Variants in NRG3 observed in about 807,000 individuals in gnomAD.
NRG3 encodes pro-neuregulin-3, membrane-bound isoform.
NRG3 carries 31 observed loss-of-function variants against 66.9 expected under a neutral mutation model. The ratio of observed to expected loss-of-function variants is 0.46; its 90% confidence interval spans 0.35 to 0.63. The LOEUF is 0.63. NRG3 is among the 20% of genes least tolerant of loss of function. The probability of loss-of-function intolerance (pLI) is 0.00; values close to 1 mark genes in which losing one functional copy is unlikely to be tolerated. For missense variants in NRG3, 910 were observed against 878.9 expected, an observed-to-expected ratio of 1.04 and a Z score of -0.45; for synonymous variants, 393 against 359.4, an observed-to-expected ratio of 1.09 and a Z score of -1.06.
chr10:82,454,604 AT>A (rs1334838394), intron 2 of NRG3, among the ~76,000 whole-genome samples: 1 of 152,234 alleles, frequency 6.6e-6, no homozygotes, highest in Non-Finnish European at 1.5e-5. Flanking sequence ...AACCATTCAG[AT>A]AAAAAAAGTT....
chr10:82,054,951 T>A (rs753764096), intron 1 of NRG3, among the ~76,000 whole-genome samples: 1 of 151,646 alleles, frequency 6.6e-6, no homozygotes, highest in Non-Finnish European at 1.5e-5. Flanking sequence ...AGTTCAAGGT[T>A]ACAGTGAGCT....
chr10:82,976,244 C>T lies in NRG3; in HGVS notation c.1412+2329C>T, dbSNP rs561960299. ...CTAATTTTTATATTTTTAGTAGAGA[C>T]GGGGTTTCACCATGTTGGCCAGGCT... On this transcript the variant is annotated intron_variant, in intron 7 of 8. Transcript: ENST00000372141. 1.6e-4 allele frequency among the ~76,000 whole-genome samples: 25 copies of T among 152,010 alleles called. No individual in the cohort carries two copies. In the East Asian group the frequency reaches 2.7e-3, roughly 17 times the overall value.
chr10:82,819,798 C>A (rs2061867082), intron 3 of NRG3, among the ~76,000 whole-genome samples: 1 of 152,086 alleles, frequency 6.6e-6, no homozygotes, highest in Non-Finnish European at 1.5e-5. Context: ...GCTTTGGCAT[C>A]CAGTACAATG....
At chr10:82,639,348 G>T (rs2050412529) in intron 2 of NRG3, among the ~76,000 whole-genome samples, 1 of 152,190 alleles carries the variant, frequency 6.6e-6, no homozygotes, top group Non-Finnish European at 1.5e-5. Context: ...TGAAAGCAGA[G>T]CTTTCATGAC....
intron 2 of NRG3, among the ~76,000 whole-genome samples, chr10:82,554,022 T>C (rs930795334): frequency 6.6e-6 from 1 of 152,206 alleles, no homozygotes; most frequent in Non-Finnish European, 1.5e-5. Context: ...TCATCTGTTA[T>C]ATGTTAGTAC....
intron 2 of NRG3, among the ~76,000 whole-genome samples, chr10:82,416,301 T>A (rs973093174): frequency 6.6e-6 from 1 of 152,148 alleles, no homozygotes; most frequent in Non-Finnish European, 1.5e-5. Context: ...CCTGTTTGTA[T>A]CAGGTGACTT....
Position 82,973,846 on chromosome 10 carries a change from T to A in NRG3, c.1343T>A (p.Phe448Tyr). 2.5e-6 allele frequency: 4 copies of A among 1,614,074 alleles called. No homozygotes were observed. Among genetic ancestry groups the A allele is most frequent in the Non-Finnish European group, 3.4e-6 (4 of 1,179,974 alleles). ...TTGGAGAAAATGATGGAGTCAAGTT[T>A]TGTCGGCCCCCAGTCATTCCCTGAG... ...TALEKMMESS[F>Y]VGPQSFPEVP... is the part of the protein sequence containing the mutation. The change falls in exon 7 of 9, where the codon TTT (phenylalanine) becomes TAT (tyrosine). Residue 448 changes from phenylalanine to tyrosine, a missense_variant. By Grantham distance (22) the Phe-to-Tyr change is conservative. Coordinates refer to ENST00000372141, the MANE Select transcript of NRG3 (RefSeq NM_001010848.4).
chr10:82,193,683 G>A (rs1370957954), intron 1 of NRG3, among the ~76,000 whole-genome samples: 1 of 152,152 alleles, frequency 6.6e-6, no homozygotes, highest in African/African-American at 2.4e-5. Flanking sequence ...GATCAAGAAT[G>A]AAATTCCGAA....
Position 82,755,502 on chromosome 10 carries a change from A to G in NRG3, c.1027+16852A>G, listed in dbSNP as rs377566075. Among the ~76,000 whole-genome samples, 140 of 152,232 alleles carry G rather than the reference A, an allele frequency of 9.2e-4. 2 individuals carry two copies. Among genetic ancestry groups the G allele is most frequent in the Middle Eastern group, 3.4e-3 (1 of 292 alleles). On this transcript the variant is annotated intron_variant, in intron 3 of 8. Transcript: ENST00000372141. The stretch of plus-strand genomic sequence containing the variant: ...TGTCATTTTTCAGGCTAGATGCTGA[A>G]TCCTATTTCTAGCTGAAGCTTAGGC...
intron 1 of NRG3, among the ~76,000 whole-genome samples, chr10:81,934,607 T>C (rs747619281): frequency 4.5e-4 from 68 of 152,222 alleles, no homozygotes; most frequent in Non-Finnish European, 8.7e-4. Flanking sequence ...TTTCTTTAGA[T>C]ATATGTGGCC....
intron 4 of NRG3, among the ~76,000 whole-genome samples, chr10:82,907,780 A>C (rs974558931): frequency 6.6e-6 from 1 of 152,192 alleles, no homozygotes; most frequent in Non-Finnish European, 1.5e-5. Flanking sequence ...TACTGTATAT[A>C]AATACAATGT....
chr10:82,386,201 T>G (rs962681032), intron 2 of NRG3, among the ~76,000 whole-genome samples: 1 of 152,178 alleles, frequency 6.6e-6, no homozygotes, highest in Non-Finnish European at 1.5e-5. Flanking sequence ...ATGAAAAGAT[T>G]AATAACTGTG....
chr10:82,625,402 C>A (rs1324243445), intron 2 of NRG3, among the ~76,000 whole-genome samples: 1 of 151,718 alleles, frequency 6.6e-6, no homozygotes, highest in Non-Finnish European at 1.5e-5. Flanking sequence ...TTTTTAGTAC[C>A]AAGTTGGTTT....
At chr10:82,254,187 A>G (rs1056158758) in intron 1 of NRG3, among the ~76,000 whole-genome samples, 1 of 152,214 alleles carries the variant, frequency 6.6e-6, no homozygotes, top group Admixed American at 6.5e-5. Flanking sequence ...ATCAGATTGT[A>G]AGATTAAGAA....
At chr10:82,105,809 AACATTG>A (rs2067026144) in intron 1 of NRG3, among the ~76,000 whole-genome samples, 1 of 152,242 alleles carries the variant, frequency 6.6e-6, no homozygotes, top group Non-Finnish European at 1.5e-5. Flanking sequence ...GAATGTCAAA[AACATTG>A]ACAATTAGGA....
At chr10:81,944,632 T>C (rs552837676) in intron 1 of NRG3, among the ~76,000 whole-genome samples, 18 of 152,288 alleles carry the variant, frequency 1.2e-4, no homozygotes, top group Non-Finnish European at 2.2e-4. Flanking sequence ...GGCAATGATA[T>C]GCCTCATCTT....
intron 2 of NRG3, among the ~76,000 whole-genome samples, chr10:82,400,206 G>A (rs2086987734): frequency 6.6e-6 from 1 of 152,082 alleles, no homozygotes; most frequent in Admixed American, 6.6e-5. Flanking sequence ...TGTCAGTAAT[G>A]TTAGTAATAA....
At chr10:82,070,161 A>G (rs1471155574) in intron 1 of NRG3, among the ~76,000 whole-genome samples, 3 of 152,158 alleles carry the variant, frequency 2.0e-5, no homozygotes, top group African/African-American at 7.2e-5. Flanking sequence ...TTGCTAAGCC[A>G]GGAAGCTTGA....
At chr10:82,883,242 T>G (rs1842449057) in intron 4 of NRG3, among the ~76,000 whole-genome samples, 1 of 148,608 alleles carries the variant, frequency 6.7e-6, no homozygotes, top group African/African-American at 2.5e-5. Context: ...TTACAGGTCT[T>G]TTTTTGCAAC....
Sources: gnomAD v4.1 joint callset for allele counts (sites outside exome capture counted in the v4.1 genomes callset) on GRCh38, gnomAD v4.1.1 for gene constraint, MANE v1.5 for transcripts, NCBI Gene and HGNC (gene_info 2026-07-23, HGNC 2026-07-21) for gene names.